The following XKR4 variants were observed in gnomAD, a reference collection of about 807,000 sequenced individuals.
XKR4 encodes XK-related protein 4.
A neutral mutation model predicts 53.9 loss-of-function variants in XKR4; 12 were observed. The ratio of observed to expected loss-of-function variants is 0.22; its 90% CI spans 0.14 to 0.36. The LOEUF (loss-of-function observed/expected upper bound fraction) is 0.36, where lower values mean the gene tolerates loss of function less well. Ranked by LOEUF, XKR4 falls within the 10% of genes least tolerant of loss-of-function variation. The pLI is 1.00. For synonymous variants in XKR4, 354 were observed against 362.4 expected (o/e 0.98, Z 0.26); for missense variants, 799 against 859.5 (o/e 0.93, Z 0.88).
intron 2 of XKR4, among the ~76,000 whole-genome samples, chr8:55,376,954 T>TCACACACACACACA (rs59737150): frequency 4.1e-5 from 6 of 145,422 alleles, no homozygotes; most frequent in African/African-American, 1.0e-4. Flanking sequence ...AAACACACAC[T>TCACACACACACACA]CACACACACA....
At chr8:55,214,416 A>G (rs1366756715) in intron 1 of XKR4, among the ~76,000 whole-genome samples, 1 of 152,190 alleles carries the variant, frequency 6.6e-6, no homozygotes, top group Non-Finnish European at 1.5e-5. Flanking sequence ...TCTGTTTTTT[A>G]CATAATTCTT....
chr8:55,263,343 C>T (rs1254360755), intron 1 of XKR4, among the ~76,000 whole-genome samples: 8 of 152,158 alleles, frequency 5.3e-5, no homozygotes, highest in African/African-American at 1.7e-4. Flanking sequence ...TAATCTGTGC[C>T]CTGGTCATGG....
chr8:55,406,428 AGAT>A (rs1804683077), intron 2 of XKR4, among the ~76,000 whole-genome samples: 1 of 152,230 alleles, frequency 6.6e-6, no homozygotes, highest in African/African-American at 2.4e-5. Flanking sequence ...CTCATTGCAC[AGAT>A]GAGTCTAGGC....
At chr8:55,142,033 A>C (rs1816711859) in intron 1 of XKR4, 1 of 454,054 alleles carries the variant, frequency 2.2e-6, no homozygotes, top group Admixed American at 2.4e-5. Flanking sequence ...TGAGGGCTGA[A>C]CTCAGAGCCC....
intron 2 of XKR4, among the ~76,000 whole-genome samples, chr8:55,392,777 C>T (rs890265437): frequency 1.1e-4 from 17 of 152,056 alleles, no homozygotes; most frequent in Admixed American, 2.6e-4. Flanking sequence ...GGCAAAAGAG[C>T]CAGACCCTTT....
chr8:55,460,412 T>C (rs1252756930), intron 2 of XKR4, among the ~76,000 whole-genome samples: 1 of 152,226 alleles, frequency 6.6e-6, no homozygotes, highest in Non-Finnish European at 1.5e-5. Flanking sequence ...CAAGTGGATA[T>C]TATGGCTTTA....
chr8:55,129,265 A>G (rs1361310991), intron 1 of XKR4, among the ~76,000 whole-genome samples: 1 of 152,200 alleles, frequency 6.6e-6, no homozygotes, highest in Non-Finnish European at 1.5e-5. Context: ...AGAATTTTCT[A>G]AGACAAAGAA....
intron 2 of XKR4, among the ~76,000 whole-genome samples, chr8:55,365,533 C>T (rs902838319): frequency 6.6e-6 from 1 of 151,968 alleles, no homozygotes; most frequent in Non-Finnish European, 1.5e-5. Flanking sequence ...GGAGAAACCC[C>T]GGCTCTACTA....
At chr8:55,282,898 G>C (rs765544532) in intron 1 of XKR4, among the ~76,000 whole-genome samples, 1 of 152,070 alleles carries the variant, frequency 6.6e-6, no homozygotes, top group Non-Finnish European at 1.5e-5. Context: ...TATTGTCATG[G>C]TACTATGAAT....
intron 2 of XKR4, among the ~76,000 whole-genome samples, chr8:55,495,779 G>A (rs1295601384): frequency 1.3e-5 from 2 of 152,234 alleles, no homozygotes; most frequent in African/African-American, 4.8e-5. Context: ...AAGCACAGGA[G>A]ACCCACCACT....
intron 1 of XKR4, among the ~76,000 whole-genome samples, chr8:55,299,923 T>A (rs1285933371): frequency 6.6e-6 from 1 of 152,018 alleles, no homozygotes; most frequent in East Asian, 1.9e-4. Context: ...CAGATTTAGA[T>A]GTCACCAACT....
chr8:55,439,438 T>C (rs1805234151), intron 2 of XKR4, among the ~76,000 whole-genome samples: 1 of 152,088 alleles, frequency 6.6e-6, no homozygotes, highest in African/African-American at 2.4e-5. Context: ...ATTGGCAAAG[T>C]CAGCAGATAC....
chr8:55,393,409 AGG>A (rs1804470337), intron 2 of XKR4, among the ~76,000 whole-genome samples: 1 of 20,440 alleles, frequency 4.9e-5, no homozygotes, highest in African/African-American at 2.5e-4. Context: ...TTAAGAAGGA[AGG>A]AAGGAAGGAA....
chr8:55,487,861 T>C (rs1205420182), intron 2 of XKR4, among the ~76,000 whole-genome samples: 2 of 152,194 alleles, frequency 1.3e-5, no homozygotes. Flanking sequence ...TCTTAAAACA[T>C]ACTTCACTTC....
rs190439045 is a variant in XKR4, at chr8:55,126,433, G to A, written c.806+23139G>A. ...GCATTGCTCCTGGCCATGGGGCATCGAGGCTTGGTTCTGCAATCCCTCCAG... is the reference window on the plus strand; with the variant it reads ...GCATTGCTCCTGGCCATGGGGCATCAAGGCTTGGTTCTGCAATCCCTCCAG... On this transcript the variant is annotated intron_variant, in intron 1 of 2. Transcript: ENST00000327381. Among the ~76,000 whole-genome samples, 12 of 152,328 alleles carry A rather than the reference G, an allele frequency of 7.9e-5. No homozygotes were observed. The East Asian group carries it at 1.9e-3, about 24-fold the overall frequency.
At chr8:55,272,763 T>A in intron 1 of XKR4, 1 of 366,942 alleles carries the variant, frequency 2.7e-6, no homozygotes, top group Non-Finnish European at 5.3e-6. Context: ...CAATGACATC[T>A]CTGTTTAGCT....
intron 2 of XKR4, among the ~76,000 whole-genome samples, chr8:55,484,471 C>A (rs745910173): frequency 2.6e-5 from 4 of 152,160 alleles, no homozygotes; most frequent in Non-Finnish European, 4.4e-5. Context: ...GAATGATACA[C>A]CATAACCAAG....
chr8:55,342,333 T>A (rs1018471932), intron 1 of XKR4, among the ~76,000 whole-genome samples: 1 of 152,078 alleles, frequency 6.6e-6, no homozygotes, highest in Non-Finnish European at 1.5e-5. Context: ...ACAACCATCA[T>A]CACTTGCCAG....
intron 1 of XKR4, among the ~76,000 whole-genome samples, chr8:55,356,573 T>G (rs1032903961): frequency 1.7e-5 from 2 of 118,096 alleles, no homozygotes; most frequent in African/African-American, 3.7e-5. Flanking sequence ...ATTGAGTATT[T>G]GATACTGTTA....
Sources: allele counts gnomAD v4.1 joint callset (sites outside exome capture counted in the v4.1 genomes callset), GRCh38; gene constraint gnomAD v4.1.1; transcripts MANE v1.5; gene names NCBI Gene and HGNC (gene_info 2026-07-23, HGNC 2026-07-21).